The following ADGRL2 variants were observed in gnomAD, a reference collection of about 807,000 sequenced individuals.
ADGRL2 encodes the protein adhesion G protein-coupled receptor L2.
Under a neutral mutation model 157.4 loss-of-function variants are expected in ADGRL2, and 44 were observed. That is an observed-to-expected ratio of 0.28 (90% CI 0.22 to 0.36). ADGRL2 has a LOEUF of 0.36. Among genes scored for constraint, ADGRL2 ranks in the 10% least tolerant of loss-of-function variants. The pLI is 1.00. For synonymous variants in ADGRL2, 585 were observed against 624.7 expected (o/e 0.94, Z 0.95); for missense variants, 1,510 against 1,768.9 (o/e 0.85, Z 2.63).
At chr1:81,945,868 TTCTC>T (rs3838455) in intron 6 of ADGRL2, among the ~76,000 whole-genome samples, 16 of 150,204 alleles carry the variant, frequency 1.1e-4, no homozygotes, top group Admixed American at 1.3e-4. Flanking sequence ...CCCATATTCA[TTCTC>T]TCTCTCTCTC....
chr1:81,904,128 A>G (rs776024104), intron 2 of ADGRL2, among the ~76,000 whole-genome samples: 42 of 152,130 alleles, frequency 2.8e-4, no homozygotes, highest in Non-Finnish European at 5.9e-4. Flanking sequence ...TTGGTTCCAC[A>G]TTTATAAGAA....
intron 3 of ADGRL2, among the ~76,000 whole-genome samples, chr1:81,615,556 C>T (rs868248295): frequency 2.0e-5 from 3 of 152,146 alleles, no homozygotes; most frequent in South Asian, 2.1e-4. Context: ...GAACAAACTC[C>T]GGACACACCA....
At chr1:81,724,728 G>T (rs2084454255) in intron 1 of ADGRL2, among the ~76,000 whole-genome samples, 1 of 152,212 alleles carries the variant, frequency 6.6e-6, no homozygotes, top group Non-Finnish European at 1.5e-5. Flanking sequence ...CTTATTTGAA[G>T]AATCAGTGGT....
At chr1:81,429,233 G>A (rs1367829937) in intron 1 of ADGRL2, among the ~76,000 whole-genome samples, 1 of 151,758 alleles carries the variant, frequency 6.6e-6, no homozygotes, top group Non-Finnish European at 1.5e-5. Flanking sequence ...TAATAATTAT[G>A]AGAGGTAACA....
At chr1:81,381,186 A>C (rs535625425) in intron 1 of ADGRL2, among the ~76,000 whole-genome samples, 1 of 152,216 alleles carries the variant, frequency 6.6e-6, no homozygotes, top group South Asian at 2.1e-4. Context: ...ATTAAATATA[A>C]TTATATTGTC....
At chr1:81,978,976 A>G (rs776233437) in intron 17 of ADGRL2, among the ~76,000 whole-genome samples, 2 of 151,800 alleles carry the variant, frequency 1.3e-5, no homozygotes, top group African/African-American at 2.4e-5. Context: ...TTCAGGAACA[A>G]TGTAGCTTAG....
chr1:81,942,201 T>C (rs1485195229), intron 5 of ADGRL2, among the ~76,000 whole-genome samples, 156 bp downstream of exon 5: 1 of 151,818 alleles, frequency 6.6e-6, no homozygotes, highest in Non-Finnish European at 1.5e-5. Context: ...TACAATGAAA[T>C]TGTATGACTG....
At chr1:81,504,879 A>G (rs2078936955) in intron 2 of ADGRL2, among the ~76,000 whole-genome samples, 1 of 151,902 alleles carries the variant, frequency 6.6e-6, no homozygotes, top group Non-Finnish European at 1.5e-5. Context: ...GAGATGAATA[A>G]CTCCACAGCT....
At chr1:81,333,277 GA>G (rs1337848914) in intron 1 of ADGRL2, among the ~76,000 whole-genome samples, 1 of 151,924 alleles carries the variant, frequency 6.6e-6, no homozygotes, top group Admixed American at 6.6e-5. Context: ...AAAGTGGACT[GA>G]AAAAAATGTA....
intron 2 of ADGRL2, among the ~76,000 whole-genome samples, chr1:81,777,607 C>T (rs12087279): frequency 0.2 from 30,417 of 151,800 alleles, 3,329 homozygotes; most frequent in African/African-American, 0.29. Flanking sequence ...CCCATCTCTA[C>T]AAAAAATTAG....
rs143274717 is a variant in ADGRL2 at position 81,439,964 on chromosome 1, G to A, written c.-301-5072G>A. 7.4e-3 allele frequency among the ~76,000 whole-genome samples: 1,129 copies of A among 152,356 alleles called. 7 individuals are homozygous for A. The highest frequency in any genetic ancestry group is 0.012 in the Non-Finnish European group (825 of 68,030). ...TCTAAAAGGCTGTCTGTTCCCCAAA[G>A]TCAGGCTGTCTCCTCCTCTACCAAC... is the stretch of plus-strand genomic sequence containing the variant. On this transcript the variant is annotated intron_variant, in intron 1 of 24. Transcript: ENST00000370721.
chr1:81,906,924 T>C, intron 2 of ADGRL2, 93 bp from the exon 3 acceptor site: 2 of 1,002,848 alleles, frequency 2.0e-6, no homozygotes, highest in Non-Finnish European at 2.9e-6. Context: ...CTCTTGACGA[T>C]AGACATGAAT....
intron 2 of ADGRL2, among the ~76,000 whole-genome samples, chr1:81,490,288 T>C (rs1442587718): frequency 6.6e-6 from 1 of 152,144 alleles, no homozygotes; most frequent in Non-Finnish European, 1.5e-5. Flanking sequence ...TGCGCCATGA[T>C]GTCTGGCTAC....
intron 2 of ADGRL2, among the ~76,000 whole-genome samples, chr1:81,550,582 G>C (rs1320484878): frequency 2.6e-5 from 4 of 152,124 alleles, no homozygotes; most frequent in Non-Finnish European, 4.4e-5. Context: ...AGGCTTTGTA[G>C]CTCTAAGAAG....
intron 2 of ADGRL2, among the ~76,000 whole-genome samples, chr1:81,451,188 A>G (rs1440256013): frequency 6.6e-6 from 1 of 152,112 alleles, no homozygotes; most frequent in Non-Finnish European, 1.5e-5. Context: ...CTCAGCTTCT[A>G]GGATCTGAAG....
chr1:81,555,859 A>G (rs2080262377), intron 2 of ADGRL2, among the ~76,000 whole-genome samples: 1 of 152,224 alleles, frequency 6.6e-6, no homozygotes, highest in South Asian at 2.1e-4. Context: ...GGATGATCAG[A>G]GCAAGCTTTA....
In ADGRL2 at chr1:81,812,473, A is replaced by AT. The variant is rs1442049287; in HGVS notation, c.-101+11410dup. 3.3e-5 allele frequency among the ~76,000 whole-genome samples: 5 copies of AT among 151,712 alleles called. No individual in the cohort carries two copies. In the East Asian group the frequency reaches 9.7e-4, roughly 29 times the overall value. On this transcript the variant is annotated intron_variant, in intron 1 of 23. Coordinates refer to ENST00000686636, the MANE Select transcript of ADGRL2 (RefSeq NM_001366006.2). ...ACAGATTACAAATGTGCCTTATTAT[A>AT]TTTTTGATTAAAAATAACTTAAAAT... is the stretch of plus-strand genomic sequence containing the variant.
At chr1:81,392,167 C>T (rs1335167929) in intron 1 of ADGRL2, among the ~76,000 whole-genome samples, 1 of 151,576 alleles carries the variant, frequency 6.6e-6, no homozygotes, top group Non-Finnish European at 1.5e-5. Context: ...GCTATCTCTA[C>T]ACCATGTGTA....
intron 3 of ADGRL2, among the ~76,000 whole-genome samples, chr1:81,662,930 A>G (rs191250486): frequency 2.6e-5 from 4 of 152,204 alleles, no homozygotes; most frequent in African/African-American, 4.8e-5. Context: ...AGGTTTTTCA[A>G]GTAATGGTGG....
Sources: allele counts gnomAD v4.1 joint callset (sites outside exome capture counted in the v4.1 genomes callset), GRCh38; gene constraint gnomAD v4.1.1; transcripts MANE v1.5; gene names NCBI Gene and HGNC (gene_info 2026-07-23, HGNC 2026-07-21).